Variants in C11orf58 observed in about 807,000 individuals in gnomAD.
C11orf58 encodes the protein small acidic protein.
A neutral mutation model predicts 22.7 loss-of-function variants in C11orf58; 5 were observed. That is an observed-to-expected ratio of 0.22 (90% CI 0.12 to 0.46). The LOEUF (loss-of-function observed/expected upper bound fraction) is 0.46. C11orf58 is among the 20% of genes least tolerant of loss of function. The probability of loss-of-function intolerance (pLI) is 0.99; values close to 1 mark genes in which losing one functional copy is unlikely to be tolerated. For synonymous variants in C11orf58, 71 were observed against 70.7 expected (o/e 1.00, Z -0.02); for missense variants, 151 against 223.3 (o/e 0.68, Z 2.06).
intron 2 of C11orf58, among the ~76,000 whole-genome samples, chr11:16,745,399 A>T (rs1217709909): frequency 1.3e-5 from 2 of 152,206 alleles, no homozygotes; most frequent in Non-Finnish European, 2.9e-5. Flanking sequence ...TGTTGACTGG[A>T]AGTCTTACTG....
At position 16,757,276 on chromosome 11, in the gene C11orf58, T is replaced by C. The variant is rs1848588097; in HGVS notation, c.*2172T>C. Among the ~76,000 whole-genome samples, 1 of 152,246 alleles carries C rather than the reference T, an allele frequency of 6.6e-6. No homozygotes were observed. Among genetic ancestry groups the C allele is most frequent in the Non-Finnish European group, 1.5e-5 (1 of 68,050 alleles). On this transcript the variant is annotated 3_prime_UTR_variant, in exon 5 of 5. Transcript: ENST00000228136. ...TTAAGAATGGGATAGAGATGAGTTT[T>C]ATGGTTTTTAAAAGTATTTTCAGTT...
At chr11:16,754,245 GTTTC>G (rs1590076238) in intron 4 of C11orf58, among the ~76,000 whole-genome samples, 1 of 151,984 alleles carries the variant, frequency 6.6e-6, no homozygotes, top group Non-Finnish European at 1.5e-5. Flanking sequence ...TTAAAAAATT[GTTTC>G]TTTCAGGAAA....
chr11:16,744,578 T>G, intron 1 of C11orf58, 23 bp from the exon 2 acceptor site: 4 of 1,606,342 alleles, frequency 2.5e-6, no homozygotes, highest in Non-Finnish European at 3.4e-6. Flanking sequence ...AAAAAAAATT[T>G]AATCAACCAA....
Position 16,744,668 on chromosome 11 carries a change from T to A in C11orf58, c.131T>A (p.Leu44His). 1.2e-6 allele frequency: 2 copies of A among 1,613,940 alleles called. No individual in the cohort carries two copies. The highest frequency in any genetic ancestry group is 1.7e-6 in the Non-Finnish European group (2 of 1,179,880). The change falls in exon 2 of 5, where the codon CTT becomes CAT. Residue 44 changes from leucine (L) to histidine (H), a missense_variant. Transcript: ENST00000228136. Reference sequence around the variant, plus strand: ...GAGAGAAAACAAAAGTTCTTGAGACTTATGGGTGCAGGAAAGGTAAGCATC... The same window carrying A: ...GAGAGAAAACAAAAGTTCTTGAGACATATGGGTGCAGGAAAGGTAAGCATC... Reference protein sequence around the residue: ...NEERKQKFLRLMGAGKKEHTG... With the variant: ...NEERKQKFLRHMGAGKKEHTG...
At chr11:16,740,353 G>A (rs1848436443) in intron 1 of C11orf58, among the ~76,000 whole-genome samples, 1 of 152,184 alleles carries the variant, frequency 6.6e-6, no homozygotes, top group African/African-American at 2.4e-5. Flanking sequence ...AGACGACCTT[G>A]AAGACCTTTC....
rs115693165 is a variant in C11orf58, at chr11:16,758,266, T to C, written c.*3162T>C. 8.2e-3 allele frequency among the ~76,000 whole-genome samples: 1,245 copies of C among 152,288 alleles called. 12 individuals are homozygous for C. Among genetic ancestry groups the C allele is most frequent in the African/African-American group, 0.028 (1,181 of 41,540 alleles). On this transcript the variant is annotated 3_prime_UTR_variant, in exon 5 of 5. Coordinates refer to ENST00000228136, the MANE Select transcript of C11orf58 (RefSeq NM_014267.6). ...AGCCCTAGATGTATCCAAGCCCTCC[T>C]ACCCTCACCAGTTATTTCTGGAGAA...
At chr11:16,738,983 ATGCCTCCCTTAATCTTTATGAGGGT>A in intron 1 of C11orf58, 142 bp downstream of exon 1, 1 of 883,922 alleles carries the variant, frequency 1.1e-6, no homozygotes, top group Admixed American at 2.0e-5. Flanking sequence ...TGAGTGGGAA[ATGCCTCCCTTAATCTTTATGAGGGT>A]CAGAAGGTTT....
chr11:16,744,732 C>A (rs1442575643), intron 2 of C11orf58, 48 bp downstream of exon 2: 8 of 1,523,116 alleles, frequency 5.3e-6, no homozygotes, highest in Non-Finnish European at 6.4e-6. Context: ...GAAAATATTG[C>A]CATTTTTATG....
intron 3 of C11orf58, among the ~76,000 whole-genome samples, chr11:16,748,745 C>T (rs1401547899): frequency 7.4e-6 from 1 of 134,978 alleles, no homozygotes; most frequent in African/African-American, 2.8e-5. Context: ...ACTCTGTCTC[C>T]AAAAAAAAAA....
chr11:16,746,507 C>G (rs988116746), intron 2 of C11orf58, among the ~76,000 whole-genome samples: 10 of 152,026 alleles, frequency 6.6e-5, no homozygotes. Flanking sequence ...TTCCAAGAAC[C>G]TATCATTGAA....
intron 4 of C11orf58, chr11:16,753,901 G>C: frequency 1.9e-6 from 1 of 534,738 alleles, no homozygotes; most frequent in Non-Finnish European, 3.4e-6. Flanking sequence ...GTTTTGCTAT[G>C]TTGCCCAGGC....
chr11:16,744,050 TAAAAA>T (rs554214406), intron 1 of C11orf58, among the ~76,000 whole-genome samples: 1 of 108,152 alleles, frequency 9.2e-6, no homozygotes, highest in African/African-American at 3.3e-5. Context: ...CTAGAACTGC[TAAAAA>T]AAAAAAAAAA....
chr11:16,756,042 T>G lies in C11orf58; in HGVS notation c.*938T>G, dbSNP rs1848574466. 2.0e-5 allele frequency: 3 copies of G among 152,490 alleles called. No homozygotes were observed. The allele number at this position is 152,490 out of a possible 1,614,324, so 9.4% of individuals were successfully genotyped here. ...TATTACTTTCTAATTTTATTGCTGT[T>G]TCTGTTGGTGTGAGATTAGAATCAT... On this transcript the variant is annotated 3_prime_UTR_variant, in exon 5 of 5. Transcript: ENST00000228136.
At position 16,755,114 on chromosome 11, in the gene C11orf58, G is replaced by A. The variant is rs774237823; in HGVS notation, c.*10G>A. ...ATCCAGTGGTTCATAACTCCCAAAC[G>A]CTTAGTCTTTGTATTAAAAGTAAGC... On this transcript the variant is annotated 3_prime_UTR_variant, in exon 5 of 5. Coordinates refer to ENST00000228136, the MANE Select transcript of C11orf58 (RefSeq NM_014267.6). 3.1e-6 allele frequency: 5 copies of A among 1,612,698 alleles called. No homozygotes were observed. In the South Asian group the frequency reaches 3.3e-5, roughly 11 times the overall value.
At chr11:16,739,593 T>G (rs539187278) in intron 1 of C11orf58, 3 of 152,230 alleles carry the variant, frequency 2.0e-5, no homozygotes, top group African/African-American at 7.2e-5. Flanking sequence ...GAGAGAAATA[T>G]GATGCTTATT....
At chr11:16,739,925 G>GTTA (rs1483464835) in intron 1 of C11orf58, among the ~76,000 whole-genome samples, 23 of 152,248 alleles carry the variant, frequency 1.5e-4, no homozygotes, top group African/African-American at 5.3e-4. Context: ...ATAATGTTAA[G>GTTA]ACCTACCCCT....
chr11:16,741,531 C>T (rs1848448576), intron 1 of C11orf58, among the ~76,000 whole-genome samples: 1 of 152,210 alleles, frequency 6.6e-6, no homozygotes, highest in Admixed American at 6.5e-5. Context: ...AGCATTTGGG[C>T]AAGTACTCAC....
chr11:16,749,384 G>C (rs767780989), intron 3 of C11orf58: 2 of 152,014 alleles, frequency 1.3e-5, no homozygotes, highest in African/African-American at 2.4e-5. Context: ...GCTACATAAG[G>C]CAAAAAACAA....
intron 1 of C11orf58, 85 bp downstream of exon 1, chr11:16,738,926 C>T: frequency 6.9e-7 from 1 of 1,440,304 alleles, no homozygotes; most frequent in Non-Finnish European, 9.7e-7. Flanking sequence ...GGAGGACGCG[C>T]CTGAGGTGGC....
Sources: gnomAD v4.1 joint callset for allele counts (sites outside exome capture counted in the v4.1 genomes callset) on GRCh38, gnomAD v4.1.1 for gene constraint, MANE v1.5 for transcripts, NCBI Gene and HGNC (gene_info 2026-07-23, HGNC 2026-07-21) for gene names.